Variants in MACF1 observed in about 807,000 individuals in gnomAD.
MACF1 encodes the protein microtubule actin crosslinking factor 1.
Under a neutral mutation model 854.8 loss-of-function variants are expected in MACF1, and 193 were observed. The ratio of observed to expected loss-of-function variants is 0.23; its 90% CI spans 0.20 to 0.25. The LOEUF (loss-of-function observed/expected upper bound fraction) is 0.25, where lower values mean the gene tolerates loss of function less well. Among genes scored for constraint, MACF1 ranks in the 10% least tolerant of loss-of-function variants. The pLI is 1.00. For missense variants in MACF1, 7,722 were observed against 8,929.1 expected (o/e 0.86, Z 5.45); for synonymous variants, 3,185 against 3,226.7 (o/e 0.99, Z 0.44).
Position 39,204,784 on chromosome 1 carries a change from G to A in MACF1, c.-239G>A. 1 of 444,550 alleles carries A rather than the reference G, an allele frequency of 2.2e-6. No homozygotes were observed. The highest frequency in any genetic ancestry group is 2.0e-5 in the African/African-American group (1 of 50,474). 27.5% of individuals were successfully genotyped at this position (444,550 alleles called of 1,614,324 possible). The stretch of plus-strand genomic sequence containing the variant: ...CTTTCCCCTCCCCCGCTGGCCAGTT[G>A]TTTCCTGGGCTTTGTCTGAGATACA... On this transcript the variant is annotated 5_prime_UTR_variant, in exon 1 of 101. Coordinates refer to ENST00000564288, the MANE Select transcript of MACF1 (RefSeq NM_001394062.1).
At chr1:39,110,236 T>TTTC (rs1391901860) in intron 2 of MACF1, among the ~76,000 whole-genome samples, 1 of 143,272 alleles carries the variant, frequency 7.0e-6, no homozygotes, top group Non-Finnish European at 1.5e-5. Context: ...TGTTCTTTTT[T>TTTC]TTTTTTTTTT....
At chr1:39,442,982 A>G in intron 78 of MACF1, 71 bp downstream of exon 78, 1 of 1,452,636 alleles carries the variant, frequency 6.9e-7, no homozygotes, top group Non-Finnish European at 9.4e-7. Flanking sequence ...GTCAGAGAGA[A>G]GAGATCAATT....
In MACF1 at chr1:39,334,867, A is replaced by G; in HGVS notation, c.8279A>G (p.Gln2760Arg). The G allele has an allele frequency of 6.2e-7, 1 of 1,614,196 alleles. No individual in the cohort carries two copies. The highest frequency in any genetic ancestry group is 8.5e-7 in the Non-Finnish European group (1 of 1,180,010). The change falls in exon 37 of 101, where the codon CAA becomes CGA. Residue 2760 changes from glutamine to arginine, a missense_variant. Physicochemically the swap from Gln to Arg is conservative, Grantham distance 43 (BLOSUM62 1). Around this residue, in one of 15 missense-constraint regions of MACF1, gnomAD observed 1,531 missense variants for 1,601.6 expected, o/e 0.96. Transcript: ENST00000564288. ...LISPELANMIQIDSSEFSDHR... is the reference protein window; with the variant it reads ...LISPELANMIRIDSSEFSDHR... ...AGCCCTGAACTGGCAAATATGATCCAAATAGATAGTTCAGAGTTCAGCGAT... is the reference window on the plus strand; with the variant it reads ...AGCCCTGAACTGGCAAATATGATCCGAATAGATAGTTCAGAGTTCAGCGAT...
chr1:39,200,580 TC>T (rs1356647984), upstream of MACF1, among the ~76,000 whole-genome samples: 1 of 151,944 alleles, frequency 6.6e-6, no homozygotes, highest in African/African-American at 2.4e-5. Context: ...GCACCTGTAA[TC>T]CCAGCTTCTT....
intron 2 of MACF1, among the ~76,000 whole-genome samples, chr1:39,085,445 T>C (rs1641647292): frequency 6.6e-6 from 1 of 152,148 alleles, no homozygotes; most frequent in African/African-American, 2.4e-5. Context: ...CCAAGGCCTG[T>C]ACTGCTACCT....
intron 2 of MACF1, among the ~76,000 whole-genome samples, chr1:39,183,557 A>AT (rs531455504): frequency 7.3e-4 from 111 of 152,212 alleles, no homozygotes; most frequent in African/African-American, 2.4e-3. Context: ...GTTTGCAATC[A>AT]TTTTTTTGCA....
chr1:39,391,349 G>A (rs900255436), intron 58 of MACF1, among the ~76,000 whole-genome samples: 1 of 152,104 alleles, frequency 6.6e-6, no homozygotes, highest in African/African-American at 2.4e-5. Flanking sequence ...TGTGCACTTT[G>A]ATTTCTATAT....
chr1:39,411,198 G>A (rs1173510609), intron 58 of MACF1: 1 of 1,613,798 alleles, frequency 6.2e-7, no homozygotes, highest in East Asian at 2.2e-5. Flanking sequence ...CCCCCAGCCT[G>A]AGAGAGAAAA....
At chr1:39,302,396 A>T (rs970303705) in intron 22 of MACF1, among the ~76,000 whole-genome samples, 5 of 151,918 alleles carry the variant, frequency 3.3e-5, no homozygotes, top group Non-Finnish European at 7.4e-5. Context: ...TGGAAAAAAA[A>T]TTTAAAAATG....
At chr1:39,194,341 CT>C (rs1251300984) in intron 2 of MACF1, among the ~76,000 whole-genome samples, 57 of 70,058 alleles carry the variant, frequency 8.1e-4, no homozygotes, top group Non-Finnish European at 1.2e-3. Context: ...CTTTTCTTTT[CT>C]TTTCTTTTCT....
chr1:39,268,419 G>A (rs1645261778), intron 6 of MACF1: 1 of 1,029,932 alleles, frequency 9.7e-7, no homozygotes, highest in Non-Finnish European at 1.2e-6. Context: ...CAGCCAATCC[G>A]GTTTCTGTCT....
At chr1:39,147,053 G>A (rs1234073225) in intron 2 of MACF1, among the ~76,000 whole-genome samples, 5 of 143,234 alleles carry the variant, frequency 3.5e-5, no homozygotes, top group Non-Finnish European at 7.7e-5. Context: ...TCCTCCTCCT[G>A]TTCCTCTCCT....
Position 39,291,998 on chromosome 1 carries a change from A to G in MACF1, c.1874A>G (p.Glu625Gly). ...CAGCAGCACATCCATACGAGTGTAG[A>G]AGAGCTGGGCTCAAGTGTCAAGGAG... ...ETQQHIHTSV[E>G]ELGSSVKEAR... The change falls in exon 16 of 101, where the codon GAA (glutamate) becomes GGA (glycine). Residue 625 changes from glutamate to glycine, a missense_variant. By Grantham distance (98) the Glu-to-Gly change is moderately conservative (BLOSUM62 -2). This residue lies in a region of MACF1 where 1,137 missense variants were observed against 1,263.0 expected (regional missense o/e 0.90). Coordinates refer to ENST00000564288, the MANE Select transcript of MACF1 (RefSeq NM_001394062.1). 1 of 1,614,126 alleles carries G rather than the reference A, an allele frequency of 6.2e-7. No individual in the cohort carries two copies.
Position 39,487,062 on chromosome 1 carries a change from G to C in MACF1, c.*1268G>C, listed in dbSNP as rs371672724. On this transcript the variant is annotated 3_prime_UTR_variant, in exon 101 of 101. Transcript: ENST00000564288. Reference sequence around the variant, plus strand: ...TACCCTGGGGTATAATCATGTTGTAGGTACTTAAATGCATTCCGCAAATCA... The same window carrying C: ...TACCCTGGGGTATAATCATGTTGTACGTACTTAAATGCATTCCGCAAATCA... 40 of 152,456 alleles carry C rather than the reference G, an allele frequency of 2.6e-4. 2 individuals carry two copies. Among genetic ancestry groups the C allele is most frequent in the Admixed American group, 1.0e-3 (16 of 15,300 alleles). The allele number at this position is 152,456 out of a possible 1,614,324, so 9.4% of individuals were successfully genotyped here.
chr1:39,449,074 C>T (rs528395412), intron 84 of MACF1, among the ~76,000 whole-genome samples: 6 of 152,176 alleles, frequency 3.9e-5, no homozygotes, highest in Non-Finnish European at 7.3e-5. Flanking sequence ...TGCTCTTGGA[C>T]ACTCCAAAGC....
At position 39,315,667 on chromosome 1, in the gene MACF1, G is replaced by A. The variant is rs1198304751; in HGVS notation, c.3425G>A (p.Gly1142Asp). 1.2e-6 allele frequency: 2 copies of A among 1,613,940 alleles called. No individual in the cohort carries two copies. The highest frequency in any genetic ancestry group is 2.7e-5 in the African/African-American group (2 of 74,916). ...LLVEKMDHVY[G>D]LSTVYLNKLK... ...GTGGAGAAGATGGACCATGTCTATG[G>A]TCTCTCTACTGTATATCTGAATAAG... The change falls in exon 27 of 101, where the codon GGT becomes GAT. Residue 1142 changes from glycine to aspartate, a missense_variant. By Grantham distance (94) the Gly-to-Asp change is moderately conservative. Transcript: ENST00000564288.
intron 1 of MACF1, among the ~76,000 whole-genome samples, chr1:39,210,917 C>G (rs753120330): frequency 6.6e-6 from 1 of 151,668 alleles, no homozygotes; most frequent in African/African-American, 2.4e-5. Context: ...GTTTTCCCCT[C>G]TCTCCCTCCC....
At chr1:39,461,413 G>A (rs551863532) in intron 92 of MACF1, among the ~76,000 whole-genome samples, 12 of 152,054 alleles carry the variant, frequency 7.9e-5, no homozygotes, top group South Asian at 2.1e-4. Flanking sequence ...ACCTTTTTTC[G>A]TTGCATTTGG....
chr1:39,184,222 C>T (rs1644139211), intron 2 of MACF1, among the ~76,000 whole-genome samples: 1 of 152,124 alleles, frequency 6.6e-6, no homozygotes. Flanking sequence ...TGAGATGGCT[C>T]ACAACATCCT....
Sources: allele counts gnomAD v4.1 joint callset (sites outside exome capture counted in the v4.1 genomes callset), GRCh38; gene constraint gnomAD v4.1.1; regional missense constraint gnomAD v4.1.1; transcripts MANE v1.5; gene names NCBI Gene and HGNC (gene_info 2026-07-23, HGNC 2026-07-21).